The following HECTD2 variants were observed in gnomAD, a reference collection of about 807,000 sequenced individuals.
HECTD2 encodes the protein probable E3 ubiquitin-protein ligase HECTD2.
In HECTD2, 35 loss-of-function variants were observed where a neutral mutation model predicts 103.2. The observed-to-expected ratio is 0.34, with a 90% CI of 0.26 to 0.45. The LOEUF (loss-of-function observed/expected upper bound fraction) is 0.45. Among genes scored for constraint, HECTD2 ranks in the 20% least tolerant of loss-of-function variants. The pLI is 1.00. For missense variants in HECTD2, 596 were observed against 937.4 expected, an observed-to-expected ratio of 0.64 and a Z score of 4.76; for synonymous variants, 281 against 329.9, an observed-to-expected ratio of 0.85 and a Z score of 1.61.
At chr10:91,453,253 G>A (rs1284901181) in intron 2 of HECTD2, among the ~76,000 whole-genome samples, 1 of 152,122 alleles carries the variant, frequency 6.6e-6, no homozygotes, top group Non-Finnish European at 1.5e-5. Flanking sequence ...GGAACGTAGC[G>A]AGACTTTGTC....
At chr10:91,429,132 A>T (rs12262756) in intron 2 of HECTD2, among the ~76,000 whole-genome samples, 29,257 of 150,384 alleles carry the variant, frequency 0.19, 6,902 homozygotes, top group African/African-American at 0.57. Context: ...TCTATTGAGA[A>T]AATCATGTGG....
chr10:91,437,728 A>C (rs186987847), intron 2 of HECTD2, among the ~76,000 whole-genome samples: 1 of 150,638 alleles, frequency 6.6e-6, no homozygotes, highest in African/African-American at 2.4e-5. Context: ...TTTTTATAAT[A>C]GATGACATAT....
intron 10 of HECTD2, 99 bp downstream of exon 10, chr10:91,485,402 A>C (rs1034641641): frequency 1.2e-6 from 1 of 817,472 alleles, no homozygotes; most frequent in East Asian, 2.9e-5. Context: ...ATACGTTTAC[A>C]TATAAATGTA....
At chr10:91,496,435 A>C in intron 15 of HECTD2, 63 bp downstream of exon 15, 1 of 1,149,016 alleles carries the variant, frequency 8.7e-7, no homozygotes, top group Non-Finnish European at 1.3e-6. Flanking sequence ...CTACCTGCAC[A>C]GTCTCTCCTC....
At chr10:91,464,900 G>GA (rs887822621) in intron 5 of HECTD2, among the ~76,000 whole-genome samples, 20 of 152,080 alleles carry the variant, frequency 1.3e-4, no homozygotes, top group African/African-American at 3.9e-4. Flanking sequence ...AGATATGAGG[G>GA]AAAAAACCCT....
intron 2 of HECTD2, among the ~76,000 whole-genome samples, chr10:91,427,858 T>C (rs996735443): frequency 2.0e-5 from 3 of 152,054 alleles, no homozygotes; most frequent in Admixed American, 2.0e-4. Flanking sequence ...TTTCTTTTGC[T>C]GTGCAGAAGC....
chr10:91,413,995 A>G (rs1167355187), intron 1 of HECTD2, among the ~76,000 whole-genome samples: 5 of 152,228 alleles, frequency 3.3e-5, no homozygotes, highest in African/African-American at 1.2e-4. Context: ...TTGGAGTGGA[A>G]TATTATAAAT....
intron 20 of HECTD2, among the ~76,000 whole-genome samples, chr10:91,509,896 A>G (rs1360588699): frequency 6.6e-6 from 1 of 152,180 alleles, no homozygotes; most frequent in Non-Finnish European, 1.5e-5. Context: ...TACCTTATAT[A>G]ACAAACCTGC....
intron 1 of HECTD2, among the ~76,000 whole-genome samples, chr10:91,411,681 C>T (rs887689842): frequency 6.6e-6 from 1 of 152,180 alleles, no homozygotes; most frequent in Admixed American, 6.5e-5. Flanking sequence ...AAAACAAGCT[C>T]TTTAAATCAA....
intron 5 of HECTD2, chr10:91,464,659 G>T: frequency 6.4e-6 from 1 of 156,898 alleles, no homozygotes; most frequent in South Asian, 1.8e-4. Flanking sequence ...TACTATTGGG[G>T]ATTCTGGTAG....
intron 2 of HECTD2, among the ~76,000 whole-genome samples, chr10:91,426,249 C>T (rs377728320): frequency 5.9e-5 from 9 of 151,886 alleles, no homozygotes; most frequent in Admixed American, 3.3e-4. Flanking sequence ...TGTTTTATCA[C>T]GGGAAATGTA....
chr10:91,435,517 G>T (rs1343979049), intron 2 of HECTD2, among the ~76,000 whole-genome samples: 1 of 151,968 alleles, frequency 6.6e-6, no homozygotes, highest in Non-Finnish European at 1.5e-5. Context: ...CAGGGTCTTG[G>T]TGATGACAAG....
intron 2 of HECTD2, among the ~76,000 whole-genome samples, chr10:91,452,112 G>A (rs1251347100): frequency 1.3e-5 from 2 of 151,958 alleles, no homozygotes; most frequent in Non-Finnish European, 2.9e-5. Flanking sequence ...AAAATAGACT[G>A]AAAAATCAAC....
rs1847517254 is a variant in HECTD2, at chr10:91,513,875, A to ATCT, written c.*1493_*1495dup. The ATCT allele has an allele frequency of 6.6e-6, 1 of 152,594 alleles. No homozygotes were observed. Among genetic ancestry groups the ATCT allele is most frequent in the Non-Finnish European group, 1.5e-5 (1 of 68,016 alleles). 9.5% of individuals were successfully genotyped at this position (152,594 alleles called of 1,614,324 possible). On this transcript the variant is annotated 3_prime_UTR_variant, in exon 21 of 21. Transcript: ENST00000298068. ...CAACAGTTCTGAAGCCAACCCACAA[A>ATCT]TCTTTGAGGAAAAGGGGTCACTTTG...
chr10:91,426,757 G>A (rs1249903929), intron 2 of HECTD2, among the ~76,000 whole-genome samples: 2 of 151,604 alleles, frequency 1.3e-5, no homozygotes, highest in Non-Finnish European at 1.5e-5. Context: ...CTCTCAATAT[G>A]GTCCACTTAT....
At chr10:91,459,352 G>A (rs1263792195) in intron 2 of HECTD2, among the ~76,000 whole-genome samples, 1 of 151,924 alleles carries the variant, frequency 6.6e-6, no homozygotes, top group Non-Finnish European at 1.5e-5. Flanking sequence ...TCAAAGAAAT[G>A]AGGAATTATT....
intron 2 of HECTD2, among the ~76,000 whole-genome samples, chr10:91,433,422 A>G (rs547305222): frequency 2.8e-4 from 42 of 152,076 alleles, no homozygotes; most frequent in African/African-American, 9.2e-4. Context: ...GTGGGTAACT[A>G]TGTATGCATT....
intron 2 of HECTD2, among the ~76,000 whole-genome samples, chr10:91,433,643 A>T (rs112173014): frequency 6.6e-6 from 1 of 152,014 alleles, no homozygotes. Flanking sequence ...CAATGCCACA[A>T]TGAATGACTC....
chr10:91,509,115 G>C (rs1847318053), intron 20 of HECTD2, among the ~76,000 whole-genome samples: 1 of 131,652 alleles, frequency 7.6e-6, no homozygotes, highest in Admixed American at 8.7e-5. Context: ...CACACTCTGG[G>C]GACTGTTGTG....
Sources: allele counts gnomAD v4.1 joint callset (sites outside exome capture counted in the v4.1 genomes callset), GRCh38; gene constraint gnomAD v4.1.1; transcripts MANE v1.5; gene names NCBI Gene and HGNC (gene_info 2026-07-23, HGNC 2026-07-21).